JAKMIP2: variants seen among roughly 807,000 people sequenced by gnomAD.
JAKMIP2 encodes janus kinase and microtubule-interacting protein 2.
Under a neutral mutation model 115.0 loss-of-function variants are expected in JAKMIP2, and 25 were observed. That is an observed-to-expected ratio of 0.22 (90% CI 0.16 to 0.30). The LOEUF is 0.30. JAKMIP2 is among the 10% of genes least tolerant of loss of function. The pLI is 1.00. For missense variants in JAKMIP2, 642 were observed against 957.6 expected (o/e 0.67, Z 4.35); for synonymous variants, 334 against 343.6 (o/e 0.97, Z 0.31).
intron 1 of JAKMIP2, among the ~76,000 whole-genome samples, chr5:147,707,799 T>A (rs992446871): frequency 1.3e-5 from 2 of 152,178 alleles, no homozygotes; most frequent in East Asian, 3.9e-4. Flanking sequence ...CAATAGTAAG[T>A]ACAGAGTCTT....
At chr5:147,640,578 T>C in intron 9 of JAKMIP2, 126 bp downstream of exon 9, 4 of 899,132 alleles carry the variant, frequency 4.4e-6, no homozygotes, top group Non-Finnish European at 4.9e-6. Flanking sequence ...CAAAATTGTT[T>C]ACTATTATGA....
chr5:147,619,502 CAAGCTGCTTCCAGGA>C (rs1455278150), intron 18 of JAKMIP2, among the ~76,000 whole-genome samples: 1 of 151,844 alleles, frequency 6.6e-6, no homozygotes. Flanking sequence ...AAAAGTGACT[CAAGCTGCTTCCAGGA>C]AAGCATTATA....
At chr5:147,618,177 G>A (rs1241727835) in intron 18 of JAKMIP2, 63 bp from the exon 19 acceptor site, 7 of 1,103,474 alleles carry the variant, frequency 6.3e-6, no homozygotes, top group South Asian at 1.4e-5. Flanking sequence ...GTGTGGGAGT[G>A]TATGCTATGT....
At chr5:147,771,170 T>C (rs1755339014) in intron 1 of JAKMIP2, among the ~76,000 whole-genome samples, 1 of 152,150 alleles carries the variant, frequency 6.6e-6, no homozygotes, top group African/African-American at 2.4e-5. Flanking sequence ...AAGGGGAAAG[T>C]AGTTTAGCTT....
At position 147,586,758 on chromosome 5, in the gene JAKMIP2, C is replaced by CTTTT. The variant is rs5872028; in HGVS notation, c.*4945_*4948dup. ...TCCTCTCTCCCTCTTTTCTTTCTTT[C>CTTTT]TTTTTTTTTTTTTTTTTTGAGATGA... On this transcript the variant is annotated 3_prime_UTR_variant, in exon 22 of 22. Transcript: ENST00000616793. 11 of 81,652 alleles carry CTTTT rather than the reference C, an allele frequency of 1.3e-4. No individual in the cohort carries two copies. Among genetic ancestry groups the CTTTT allele is most frequent in the Middle Eastern group, 6.2e-3 (1 of 162 alleles). 5.1% of individuals were successfully genotyped at this position (81,652 alleles called of 1,614,324 possible).
chr5:147,743,599 G>A (rs574294341), intron 1 of JAKMIP2, among the ~76,000 whole-genome samples: 179 of 152,304 alleles, frequency 1.2e-3, no homozygotes, highest in Non-Finnish European at 2.1e-3. Context: ...TAGGCTGCTT[G>A]ATTGGACAGT....
At chr5:147,701,079 G>A (rs1752306518) in intron 1 of JAKMIP2, among the ~76,000 whole-genome samples, 1 of 152,080 alleles carries the variant, frequency 6.6e-6, no homozygotes, top group African/African-American at 2.4e-5. Context: ...AAAAAAAGCT[G>A]TAAGGTCAAA....
intron 1 of JAKMIP2, among the ~76,000 whole-genome samples, chr5:147,672,484 T>C (rs1017002434): frequency 1.3e-5 from 2 of 152,234 alleles, no homozygotes; most frequent in African/African-American, 4.8e-5. Flanking sequence ...TCAATATTGT[T>C]AGAGCTCTTT....
intron 1 of JAKMIP2, among the ~76,000 whole-genome samples, chr5:147,770,182 T>C (rs1161534235): frequency 6.6e-6 from 1 of 152,142 alleles, no homozygotes; most frequent in African/African-American, 2.4e-5. Context: ...ACTAAACATT[T>C]TTCTACAACA....
intron 1 of JAKMIP2, among the ~76,000 whole-genome samples, chr5:147,708,231 G>A (rs1209337456): frequency 6.6e-6 from 1 of 152,158 alleles, no homozygotes; most frequent in African/African-American, 2.4e-5. Context: ...GTAAAGAAAT[G>A]TGGACCGAAG....
intron 12 of JAKMIP2, 29 bp from the exon 13 acceptor site, chr5:147,632,807 A>G (rs1757427014): frequency 6.9e-7 from 1 of 1,456,506 alleles, no homozygotes; most frequent in Non-Finnish European, 9.6e-7. Flanking sequence ...AAGTTAGGTA[A>G]GCATTGAGAA....
chr5:147,640,719 A>C lies in JAKMIP2; in HGVS notation c.1386T>G (p.Asp462Glu). 2 of 1,613,742 alleles carry C rather than the reference A, an allele frequency of 1.2e-6. No individual in the cohort carries two copies. The highest frequency in any genetic ancestry group is 1.7e-6 in the Non-Finnish European group (2 of 1,179,770). The change falls in exon 9 of 22, where the codon GAT becomes GAG. Residue 462 changes from aspartate to glutamate, a missense_variant. Physicochemically the swap from Asp to Glu is conservative, Grantham distance 45. Transcript: ENST00000616793. ...FRTDRTPATPDDDLDESLAAE... is the reference protein window; with the variant it reads ...FRTDRTPATPEDDLDESLAAE... ...AAAAGCTTACTTCATCCAAGTCATC[A>C]TCAGGAGTAGCTGGTGTTCTGTCTG...
intron 2 of JAKMIP2, 86 bp downstream of exon 2, chr5:147,671,592 A>G: frequency 8.5e-7 from 1 of 1,182,338 alleles, no homozygotes. Flanking sequence ...CCACTGGGGT[A>G]GGCCAGCAGG....
intron 1 of JAKMIP2, among the ~76,000 whole-genome samples, chr5:147,716,182 T>C (rs1323431900): frequency 2.2e-5 from 3 of 137,514 alleles, no homozygotes; most frequent in Admixed American, 7.4e-5. Flanking sequence ...ACTCATCATT[T>C]TTTATGGCTG....
intron 1 of JAKMIP2, among the ~76,000 whole-genome samples, chr5:147,691,536 G>T (rs1201427123): frequency 6.6e-6 from 1 of 152,156 alleles, no homozygotes; most frequent in East Asian, 1.9e-4. Flanking sequence ...TGAAAAAACT[G>T]GGGCTCAGAA....
intron 1 of JAKMIP2, among the ~76,000 whole-genome samples, chr5:147,696,393 T>C (rs1302352182): frequency 6.6e-6 from 1 of 152,174 alleles, no homozygotes; most frequent in Admixed American, 6.5e-5. Flanking sequence ...CCCCATTTGC[T>C]CGGCATTTCT....
intron 1 of JAKMIP2, among the ~76,000 whole-genome samples, chr5:147,723,436 T>C (rs566018894): frequency 2.6e-5 from 4 of 152,184 alleles, no homozygotes; most frequent in Non-Finnish European, 5.9e-5. Context: ...CTCGATGGTA[T>C]GTTCTATTAC....
chr5:147,699,846 A>G (rs113868435), intron 1 of JAKMIP2, among the ~76,000 whole-genome samples: 3 of 152,308 alleles, frequency 2.0e-5, no homozygotes, highest in African/African-American at 7.2e-5. Context: ...AGAGAACTAA[A>G]AGCAACCTGC....
In JAKMIP2 at chr5:147,641,586, A is replaced by T. The variant is rs377045682; in HGVS notation, c.1281+122T>A. The T allele has an allele frequency of 1.9e-5, 12 of 646,976 alleles. No individual in the cohort carries two copies. In the African/African-American group the frequency reaches 2.2e-4, roughly 12 times the overall value. 40.1% of individuals were successfully genotyped at this position (646,976 alleles called of 1,614,324 possible). A position where few individuals can be genotyped will look rare whatever the true frequency, so the allele number is the denominator to read the frequency against. ...TATTTTCTTCTAGCAAATAATGCCC[A>T]TGGTTTGCTGCAACAGTTCTGGAAC... On this transcript the variant is annotated intron_variant, in intron 8 of 21. Transcript: ENST00000616793.
Sources: allele counts gnomAD v4.1 joint callset (sites outside exome capture counted in the v4.1 genomes callset), GRCh38; gene constraint gnomAD v4.1.1; transcripts MANE v1.5; gene names NCBI Gene and HGNC (gene_info 2026-07-23, HGNC 2026-07-21).